Variants in IYD observed in about 807,000 individuals in gnomAD.
IYD encodes the protein iodotyrosine deiodinase, also known as iodotyrosine deiodinase 1.
IYD carries 25 observed loss-of-function variants against 28.4 expected under a neutral mutation model. The observed-to-expected ratio is 0.88, with a 90% CI of 0.64 to 1.23. IYD has a LOEUF of 1.23. Among genes scored for constraint, IYD ranks in the 50% most tolerant of loss-of-function variants. The pLI is 0.00. For missense variants in IYD, 352 were observed against 357.9 expected, an observed-to-expected ratio of 0.98 and a Z score of 0.13; for synonymous variants, 140 against 130.8, an observed-to-expected ratio of 1.07 and a Z score of -0.48.
intron 1 of IYD, among the ~76,000 whole-genome samples, 156 bp downstream of exon 1, chr6:150,369,365 G>A (rs1464766196): frequency 1.3e-5 from 2 of 151,818 alleles, no homozygotes; most frequent in African/African-American, 4.8e-5. Context: ...GGCACAGACA[G>A]GTCATCTCTC....
At chr6:150,370,045 G>A (rs1386685385) in intron 1 of IYD, 3 of 702,140 alleles carry the variant, frequency 4.3e-6, no homozygotes, top group South Asian at 1.5e-5. Flanking sequence ...GGAAGCTTGA[G>A]CCATCTGTGT....
intron 1 of IYD, chr6:150,369,936 G>C: frequency 1.4e-6 from 1 of 701,654 alleles, no homozygotes; most frequent in Middle Eastern, 2.3e-4. Context: ...TGGAGGGAGA[G>C]GGTAAGAATG....
Position 150,403,916 on chromosome 6 carries a change from G to A in IYD, c.*5679G>A, listed in dbSNP as rs988174783. The A allele has an allele frequency of 2.0e-5, 3 of 152,038 alleles. No homozygotes were observed. The highest frequency in any genetic ancestry group is 7.2e-5 in the African/African-American group (3 of 41,418). 9.4% of individuals were successfully genotyped at this position (152,038 alleles called of 1,614,324 possible). On this transcript the variant is annotated 3_prime_UTR_variant, in exon 5 of 5. Transcript: ENST00000344419. ...ATAAAGGAAGTTGTTAGCTAACCTA[G>A]GTGGAGTCGCCAACTTCCTTCTACT...
intron 4 of IYD, chr6:150,395,763 T>G (rs1279726034): frequency 1.3e-5 from 9 of 677,970 alleles, no homozygotes; most frequent in Non-Finnish European, 2.4e-5. Flanking sequence ...CTTCCAGAAC[T>G]TCCTGGTCAG....
rs925861794 is a variant in IYD, at chr6:150,398,338, G to A, written c.*101G>A. On this transcript the variant is annotated 3_prime_UTR_variant, in exon 5 of 5. Coordinates refer to ENST00000344419, the MANE Select transcript of IYD (RefSeq NM_203395.3). ...TCTCTTGGCTGCTCTTTCTCCAGGT[G>A]TCAGGTCCCCTCATTGCTCTTCTCA... The A allele has an allele frequency of 8.6e-5, 101 of 1,174,336 alleles. No individual in the cohort carries two copies. The highest frequency in any genetic ancestry group is 1.2e-4 in the Non-Finnish European group (94 of 795,250). 72.7% of individuals were successfully genotyped at this position (1,174,336 alleles called of 1,614,324 possible).
intron 3 of IYD, among the ~76,000 whole-genome samples, 163 bp downstream of exon 3, chr6:150,392,667 A>G (rs535536315): frequency 9.3e-4 from 141 of 152,316 alleles, no homozygotes; most frequent in African/African-American, 3.0e-3. Context: ...CTGTATTGCC[A>G]TGTGAGCGTT....
intron 3 of IYD, among the ~76,000 whole-genome samples, chr6:150,392,928 G>A (rs561813239): frequency 6.6e-6 from 1 of 152,264 alleles, no homozygotes; most frequent in African/African-American, 2.4e-5. Context: ...CTCCAGGAAA[G>A]AAGTGGAGGG....
At chr6:150,395,108 C>T (rs971256957) in intron 4 of IYD, among the ~76,000 whole-genome samples, 1 of 152,202 alleles carries the variant, frequency 6.6e-6, no homozygotes. Context: ...AGGCGTAAGC[C>T]ACCATGCCTG....
Position 150,403,684 on chromosome 6 carries a change from T to C in IYD, c.*5447T>C. On this transcript the variant is annotated 3_prime_UTR_variant, in exon 5 of 5. Coordinates refer to ENST00000344419, the MANE Select transcript of IYD (RefSeq NM_203395.3). ...GCTAAATACAGTAGTTCTAATGAAA[T>C]GTGAGAGGCTATAATCCCATTTGGG... 1 of 152,298 alleles carries C rather than the reference T, an allele frequency of 6.6e-6. No homozygotes were observed. Among genetic ancestry groups the C allele is most frequent in the East Asian group, 1.9e-4 (1 of 5,178 alleles). The allele number at this position is 152,298 out of a possible 1,614,324, so 9.4% of individuals were successfully genotyped here.
At chr6:150,391,796 C>T (rs1778128641) in intron 2 of IYD, among the ~76,000 whole-genome samples, 1 of 152,242 alleles carries the variant, frequency 6.6e-6, no homozygotes, top group African/African-American at 2.4e-5. Flanking sequence ...GCAATCTCTG[C>T]CTCCAGGGTT....
At chr6:150,395,573 C>G in intron 4 of IYD, 2 of 1,536,154 alleles carry the variant, frequency 1.3e-6, no homozygotes, top group South Asian at 2.4e-5. Context: ...CCAGGTGCCT[C>G]TGCAGCAGGC....
intron 2 of IYD, 65 bp downstream of exon 2, chr6:150,389,608 G>T: frequency 7.3e-7 from 1 of 1,370,300 alleles, no homozygotes; most frequent in South Asian, 1.2e-5. Context: ...TCCAACAATG[G>T]AAAAATGTCA....
intron 4 of IYD, chr6:150,395,782 G>A: frequency 1.6e-6 from 1 of 642,930 alleles, no homozygotes; most frequent in South Asian, 1.7e-5. Flanking sequence ...AGGTTTAGAG[G>A]TGGTGATCTG....
At chr6:150,392,293 T>C in intron 2 of IYD, 52 bp from the exon 3 acceptor site, 1 of 1,610,284 alleles carries the variant, frequency 6.2e-7, no homozygotes, top group Non-Finnish European at 8.5e-7. Flanking sequence ...TAATTAGCAG[T>C]CTCACACTTT....
At chr6:150,385,566 G>T (rs1377619315) in intron 1 of IYD, among the ~76,000 whole-genome samples, 1 of 66,492 alleles carries the variant, frequency 1.5e-5, no homozygotes, top group African/African-American at 6.7e-5. Flanking sequence ...TGGCCAAGAT[G>T]TATTTTTTTT....
chr6:150,374,944 TTGCTCTGAAGTTGGCA>T (rs1399437522), intron 1 of IYD, among the ~76,000 whole-genome samples: 1 of 152,172 alleles, frequency 6.6e-6, no homozygotes, highest in African/African-American at 2.4e-5. Context: ...AAAGCCCTTT[TTGCTCTGAAGTTGGCA>T]TGCTTTGGGG....
In IYD at chr6:150,404,564, A is replaced by G. The variant is rs980502459; in HGVS notation, c.*6327A>G. Reference sequence around the variant, plus strand: ...GAAGTGCTAAAATAGAAAATTAAATATGATAAATTACACAAGAAGTTTAGA... The same window carrying G: ...GAAGTGCTAAAATAGAAAATTAAATGTGATAAATTACACAAGAAGTTTAGA... On this transcript the variant is annotated 3_prime_UTR_variant, in exon 5 of 5. Coordinates refer to ENST00000344419, the MANE Select transcript of IYD (RefSeq NM_203395.3). The G allele has an allele frequency of 2.0e-5, 3 of 152,240 alleles. No individual in the cohort carries two copies. The highest frequency in any genetic ancestry group is 7.2e-5 in the African/African-American group (3 of 41,462). The allele number at this position is 152,240 out of a possible 1,614,324, so 9.4% of individuals were successfully genotyped here. A position where few individuals can be genotyped will look rare whatever the true frequency, so the allele number is the denominator to read the frequency against.
At position 150,400,832 on chromosome 6, in the gene IYD, A is replaced by T. The variant is rs1452930244; in HGVS notation, c.*2595A>T. On this transcript the variant is annotated 3_prime_UTR_variant, in exon 5 of 5. Coordinates refer to ENST00000344419, the MANE Select transcript of IYD (RefSeq NM_203395.3). ...TAAAGTCTGAGCTCTGTTGCAGATAACCAGAGACCCAACAACCAAAGGCAA... is the reference window on the plus strand; with the variant it reads ...TAAAGTCTGAGCTCTGTTGCAGATATCCAGAGACCCAACAACCAAAGGCAA... The T allele has an allele frequency of 2.6e-5, 4 of 152,232 alleles. No homozygotes were observed. The highest frequency in any genetic ancestry group is 4.8e-5 in the African/African-American group (2 of 41,458). The allele number at this position is 152,232 out of a possible 1,614,324, so 9.4% of individuals were successfully genotyped here. A position where few individuals can be genotyped will look rare whatever the true frequency, so the allele number is the denominator to read the frequency against.
At chr6:150,387,365 A>T (rs1383529388) in intron 1 of IYD, among the ~76,000 whole-genome samples, 1 of 151,674 alleles carries the variant, frequency 6.6e-6, no homozygotes, top group Non-Finnish European at 1.5e-5. Flanking sequence ...GTTTGAGTCC[A>T]GCCTGGGCAA....
Sources: allele counts gnomAD v4.1 joint callset (sites outside exome capture counted in the v4.1 genomes callset), GRCh38; gene constraint gnomAD v4.1.1; transcripts MANE v1.5; gene names NCBI Gene and HGNC (gene_info 2026-07-23, HGNC 2026-07-21).